Variants in IARS1 observed in about 807,000 individuals in gnomAD.
IARS1 encodes isoleucyl-tRNA synthetase 1.
IARS1 carries 124 observed loss-of-function variants against 168.2 expected under a neutral mutation model. The observed-to-expected ratio is 0.74, with a 90% confidence interval of 0.64 to 0.86. The LOEUF (loss-of-function observed/expected upper bound fraction) is 0.86, where lower values mean the gene tolerates loss of function less well. IARS1 is among the 40% of genes least tolerant of loss of function. The pLI, the probability that IARS1 is intolerant of heterozygous loss-of-function variation, is 0.00. For missense variants in IARS1, 1,452 were observed against 1,515.8 expected (o/e 0.96, Z 0.70); for synonymous variants, 532 against 529.4 (o/e 1.00, Z -0.07).
chr9:92,240,674 T>C (rs1564166038), intron 30 of IARS1, 182 bp downstream of exon 30: 2 of 717,920 alleles, frequency 2.8e-6, no homozygotes, highest in Non-Finnish European at 5.2e-6. Flanking sequence ...ATTTCAGGAA[T>C]GATCCACTGC....
At chr9:92,263,209 C>A (rs1269502525) in intron 16 of IARS1, among the ~76,000 whole-genome samples, 154 bp from the exon 17 acceptor site, 2 of 152,132 alleles carry the variant, frequency 1.3e-5, no homozygotes, top group Admixed American at 6.5e-5. Context: ...TACTGGAGAC[C>A]AATCAAATTA....
At chr9:92,248,724 A>C (rs1487869206) in intron 25 of IARS1, among the ~76,000 whole-genome samples, 1 of 151,944 alleles carries the variant, frequency 6.6e-6, no homozygotes, top group Non-Finnish European at 1.5e-5. Flanking sequence ...AGAATTTAAA[A>C]TCTAACTTTT....
At chr9:92,250,471 G>T (rs1829855220) in intron 23 of IARS1, among the ~76,000 whole-genome samples, 182 bp from the exon 24 acceptor site, 1 of 152,192 alleles carries the variant, frequency 6.6e-6, no homozygotes, top group Non-Finnish European at 1.5e-5. Flanking sequence ...TCCCCAAGGA[G>T]CCCCCATGGG....
At chr9:92,285,694 C>G (rs1587896875) in intron 6 of IARS1, 28 bp downstream of exon 6, 2 of 1,388,660 alleles carry the variant, frequency 1.4e-6, no homozygotes, top group Non-Finnish European at 2.1e-6. Flanking sequence ...AAACTCAATG[C>G]TGAATAATGT....
rs1828295439 is a variant in IARS1 at position 92,240,900 on chromosome 9, C to G, written c.3239G>C (p.Cys1080Ser). 1 of 1,613,588 alleles carries G rather than the reference C, an allele frequency of 6.2e-7. No homozygotes were observed. Residue 1080 changes from cysteine (C) to serine (S), a missense_variant, in exon 30 of 34, where the codon TGT becomes TCT. Transcript: ENST00000443024. ...TRGSSLPGPA[C>S]AYVNLNICAN... ...ACAAATGTTAAGATTGACATATGCACAAGCAGGACCAGGAAGGGAAGATCC... is the reference window on the plus strand; with the variant it reads ...ACAAATGTTAAGATTGACATATGCAGAAGCAGGACCAGGAAGGGAAGATCC...
At chr9:92,218,649 C>A (rs1481559411) in intron 33 of IARS1, among the ~76,000 whole-genome samples, 2 of 89,606 alleles carry the variant, frequency 2.2e-5, no homozygotes, top group Non-Finnish European at 4.0e-5. Context: ...ACAGCCAAAT[C>A]ATGAGTGAAC....
intron 9 of IARS1, among the ~76,000 whole-genome samples, chr9:92,277,047 T>G (rs2133915258): frequency 6.6e-6 from 1 of 152,232 alleles, no homozygotes; most frequent in East Asian, 1.9e-4. Flanking sequence ...TATCTTAACT[T>G]TGTCAAAACA....
At chr9:92,231,521 C>A (rs1394127842) in intron 30 of IARS1, among the ~76,000 whole-genome samples, 1 of 148,568 alleles carries the variant, frequency 6.7e-6, no homozygotes, top group African/African-American at 2.5e-5. Flanking sequence ...TCAAGTGATT[C>A]TCCTACTTCA....
intron 3 of IARS1, 32 bp downstream of exon 3, chr9:92,288,094 A>G (rs749967077): frequency 1.3e-6 from 2 of 1,589,334 alleles, no homozygotes; most frequent in East Asian, 2.2e-5. Context: ...AAAAAAAATC[A>G]GAAAATTATA....
intron 29 of IARS1, among the ~76,000 whole-genome samples, chr9:92,241,517 CGT>C (rs1391832999): frequency 1.3e-5 from 2 of 151,932 alleles, no homozygotes; most frequent in African/African-American, 4.8e-5. Context: ...AGCTAATTTT[CGT>C]ATTTTTAGTA....
At position 92,215,714 on chromosome 9, in the gene IARS1, T is replaced by A. The variant is rs1838559154; in HGVS notation, c.3707-4825A>T. ...GAATGAAATGAAGCGAGAAGGGAAG[T>A]TTAGAGAAAAAAGAATAAAACGAAA... On this transcript the variant is annotated intron_variant, in intron 33 of 33. Transcript: ENST00000443024. 2.6e-5 allele frequency among the ~76,000 whole-genome samples: 4 copies of A among 151,008 alleles called. No individual in the cohort carries two copies. The South Asian group carries it at 8.4e-4, about 32-fold the overall frequency.
chr9:92,218,790 G>C (rs1839197735), intron 33 of IARS1, among the ~76,000 whole-genome samples: 1 of 148,006 alleles, frequency 6.8e-6, no homozygotes, highest in African/African-American at 2.5e-5. Flanking sequence ...ACAAATGGAA[G>C]AACATTCCAT....
chr9:92,263,815 C>T (rs1831883945), intron 16 of IARS1, among the ~76,000 whole-genome samples: 1 of 152,210 alleles, frequency 6.6e-6, no homozygotes, highest in African/African-American at 2.4e-5. Flanking sequence ...ACAGACTTTG[C>T]TACTCCTCAA....
chr9:92,288,340 T>C, intron 2 of IARS1, 58 bp from the exon 3 acceptor site: 1 of 1,438,016 alleles, frequency 7.0e-7, no homozygotes, highest in Middle Eastern at 1.9e-4. Flanking sequence ...TTAAGGCATT[T>C]TTCTATAGAT....
At chr9:92,288,408 G>T in intron 2 of IARS1, 126 bp from the exon 3 acceptor site, 1 of 774,758 alleles carries the variant, frequency 1.3e-6, no homozygotes, top group Non-Finnish European at 2.2e-6. Context: ...GAAACCGACA[G>T]ACATAATTGA....
intron 13 of IARS1, 53 bp downstream of exon 13, chr9:92,269,832 C>T: frequency 8.2e-7 from 1 of 1,223,224 alleles, no homozygotes; most frequent in Non-Finnish European, 1.2e-6. Context: ...GTAAACCATA[C>T]TTACTAACCA....
At chr9:92,281,600 A>G (rs937903419) in intron 6 of IARS1, among the ~76,000 whole-genome samples, 1 of 152,218 alleles carries the variant, frequency 6.6e-6, no homozygotes, top group African/African-American at 2.4e-5. Flanking sequence ...CTGAAGCAAC[A>G]CATACTTGAA....
chr9:92,280,663 A>C (rs547555631), intron 7 of IARS1, 83 bp downstream of exon 7: 1 of 823,008 alleles, frequency 1.2e-6, no homozygotes, highest in Admixed American at 2.7e-5. Context: ...TCTTCATGCA[A>C]AAAGAAAGGT....
Position 92,289,445 on chromosome 9 carries a change from T to C in IARS1, c.-7-19A>G. ...TTTGTTGCTGCAAAAGAAATCAAATTTATTACTGTCAAAAGAGAAATCTAG... is the reference window on the plus strand; with the variant it reads ...TTTGTTGCTGCAAAAGAAATCAAATCTATTACTGTCAAAAGAGAAATCTAG... On this transcript the variant is annotated intron_variant, in intron 1 of 33. Coordinates refer to ENST00000443024, the MANE Select transcript of IARS1 (RefSeq NM_002161.6). 9.9e-7 allele frequency: 1 copy of C among 1,014,832 alleles called. No individual in the cohort carries two copies. The highest frequency in any genetic ancestry group is 1.6e-6 in the Non-Finnish European group (1 of 637,092). 62.9% of individuals were successfully genotyped at this position (1,014,832 alleles called of 1,614,324 possible). A position where few individuals can be genotyped will look rare whatever the true frequency, so the allele number is the denominator to read the frequency against.
Sources: gnomAD v4.1 joint callset for allele counts (sites outside exome capture counted in the v4.1 genomes callset) on GRCh38, gnomAD v4.1.1 for gene constraint, MANE v1.5 for transcripts, NCBI Gene and HGNC (gene_info 2026-07-23, HGNC 2026-07-21) for gene names.